The following DCLK1 variants were observed in gnomAD, a reference collection of about 807,000 sequenced individuals.
The protein encoded by DCLK1 is doublecortin like kinase 1, also known as serine/threonine-protein kinase DCLK1.
Under a neutral mutation model 86.2 loss-of-function variants are expected in DCLK1, and 16 were observed. The ratio of observed to expected loss-of-function variants is 0.19; its 90% confidence interval spans 0.13 to 0.28. The LOEUF is 0.28. DCLK1 is among the 10% of genes least tolerant of loss of function. DCLK1 has a pLI of 1.00. For missense variants in DCLK1, 590 were observed against 940.2 expected, an observed-to-expected ratio of 0.63 and a Z score of 4.87; for synonymous variants, 369 against 370.5, an observed-to-expected ratio of 1.00 and a Z score of 0.05.
chr13:35,875,647 T>C (rs1013676186), intron 4 of DCLK1, among the ~76,000 whole-genome samples: 2 of 152,202 alleles, frequency 1.3e-5, no homozygotes, highest in African/African-American at 4.8e-5. Flanking sequence ...AAAGCTTCCC[T>C]TGCTTCTCCT....
chr13:35,968,881 A>G (rs1236197786), intron 3 of DCLK1, among the ~76,000 whole-genome samples: 1 of 152,220 alleles, frequency 6.6e-6, no homozygotes, highest in African/African-American at 2.4e-5. Flanking sequence ...AGTTTTTCTC[A>G]GGACTGTACC....
At chr13:35,916,801 C>CT (rs1875441663) in intron 4 of DCLK1, among the ~76,000 whole-genome samples, 2 of 152,144 alleles carry the variant, frequency 1.3e-5, no homozygotes, top group Admixed American at 1.3e-4. Flanking sequence ...TCAGGACATG[C>CT]TGTCCTAACT....
chr13:36,024,724 A>C (rs982348148), intron 3 of DCLK1, among the ~76,000 whole-genome samples: 1 of 152,062 alleles, frequency 6.6e-6, no homozygotes, highest in Non-Finnish European at 1.5e-5. Context: ...TTTTTTGTAG[A>C]TATTACAAAC....
intron 3 of DCLK1, among the ~76,000 whole-genome samples, chr13:35,980,832 T>G (rs897852222): frequency 2.0e-5 from 3 of 152,024 alleles, no homozygotes; most frequent in African/African-American, 7.3e-5. Flanking sequence ...TTAATGTAAT[T>G]TTTTGTTTAA....
chr13:35,976,525 GTTTTTTTTTTTTTTTT>G (rs11294824), intron 3 of DCLK1, among the ~76,000 whole-genome samples: 1 of 56,350 alleles, frequency 1.8e-5, no homozygotes, highest in African/African-American at 6.2e-5. Flanking sequence ...CTTCTCCGAG[GTTTTTTTTTTTTTTTT>G]TTTTTTTGAG....
chr13:35,844,435 T>C (rs770132815), intron 6 of DCLK1, among the ~76,000 whole-genome samples: 3 of 152,208 alleles, frequency 2.0e-5, no homozygotes, highest in Non-Finnish European at 2.9e-5. Flanking sequence ...CTGGCCTCAA[T>C]TGTCCAATCA....
At chr13:36,100,650 C>A (rs2138160365) in intron 3 of DCLK1, among the ~76,000 whole-genome samples, 1 of 152,216 alleles carries the variant, frequency 6.6e-6, no homozygotes, top group Middle Eastern at 3.4e-3. Flanking sequence ...CAAAAAAGGC[C>A]CTGTTAATGG....
intron 3 of DCLK1, among the ~76,000 whole-genome samples, chr13:36,100,450 G>A (rs1013778720): frequency 1.3e-5 from 2 of 152,108 alleles, no homozygotes; most frequent in African/African-American, 4.8e-5. Context: ...CCTTTCACAG[G>A]AGACCAATTC....
chr13:35,887,878 CAAAAAAAAAAAAAAAA>C (rs760195385), intron 4 of DCLK1, among the ~76,000 whole-genome samples: 738 of 38,822 alleles, frequency 0.019, 17 homozygotes, highest in African/African-American at 0.055. Context: ...GATCTTGTCT[CAAAAAAAAAAAAAAAA>C]AAAAAAAAAA....
At chr13:35,973,582 T>C (rs1260388430) in intron 3 of DCLK1, among the ~76,000 whole-genome samples, 1 of 152,160 alleles carries the variant, frequency 6.6e-6, no homozygotes, top group Non-Finnish European at 1.5e-5. Context: ...AGATTCCAAA[T>C]GCCTAGCCCA....
At chr13:36,106,848 C>T (rs1055347832) in intron 3 of DCLK1, among the ~76,000 whole-genome samples, 1 of 152,056 alleles carries the variant, frequency 6.6e-6, no homozygotes, top group Non-Finnish European at 1.5e-5. Context: ...ATAATTTGTA[C>T]CACTTTTTTA....
At chr13:35,884,905 CA>C (rs1394279840) in intron 4 of DCLK1, among the ~76,000 whole-genome samples, 1 of 152,166 alleles carries the variant, frequency 6.6e-6, no homozygotes, top group Admixed American at 6.5e-5. Flanking sequence ...TCCATTAAAA[CA>C]AAGCCACAGC....
At chr13:35,855,871 G>T (rs374523704) in intron 5 of DCLK1, 2 of 1,125,100 alleles carry the variant, frequency 1.8e-6, no homozygotes, top group East Asian at 4.7e-5. Flanking sequence ...TGGCCCTGGG[G>T]GCAAGAGATC....
chr13:36,082,264 T>C (rs543682312), intron 3 of DCLK1, among the ~76,000 whole-genome samples: 5 of 152,182 alleles, frequency 3.3e-5, no homozygotes, highest in Admixed American at 6.5e-5. Flanking sequence ...AAGACCTTTA[T>C]GGTGATCCAC....
intron 3 of DCLK1, among the ~76,000 whole-genome samples, chr13:35,959,432 C>T (rs975965507): frequency 6.6e-6 from 1 of 152,152 alleles, no homozygotes; most frequent in Admixed American, 6.5e-5. Flanking sequence ...GGGGACTGCA[C>T]TGACCTGGAA....
At chr13:36,052,525 G>T (rs1244595248) in intron 3 of DCLK1, among the ~76,000 whole-genome samples, 1 of 152,092 alleles carries the variant, frequency 6.6e-6, no homozygotes, top group Non-Finnish European at 1.5e-5. Context: ...AATCCAAGGA[G>T]CTCTAAGACT....
chr13:35,784,554 G>A (rs904047162), intron 16 of DCLK1, among the ~76,000 whole-genome samples: 1 of 152,166 alleles, frequency 6.6e-6, no homozygotes, highest in African/African-American at 2.4e-5. Flanking sequence ...TGGGTACAAG[G>A]TACAACTGCA....
intron 2 of DCLK1, among the ~76,000 whole-genome samples, chr13:36,116,383 T>C (rs1433916643): frequency 9.2e-6 from 1 of 109,228 alleles, no homozygotes; most frequent in Non-Finnish European, 1.8e-5. Flanking sequence ...GAAATTAGAA[T>C]ATTTCCACTT....
intron 4 of DCLK1, among the ~76,000 whole-genome samples, chr13:35,930,313 T>G (rs1449467013): frequency 1.3e-5 from 2 of 152,244 alleles, no homozygotes; most frequent in Non-Finnish European, 2.9e-5. Flanking sequence ...AAACATAAGT[T>G]CCTATGCCCT....
Sources: gnomAD v4.1 joint callset for allele counts (sites outside exome capture counted in the v4.1 genomes callset) on GRCh38, gnomAD v4.1.1 for gene constraint, MANE v1.5 for transcripts, NCBI Gene and HGNC (gene_info 2026-07-23, HGNC 2026-07-21) for gene names.